The following EEF1AKMT2 variants were observed in gnomAD, a reference collection of about 807,000 sequenced individuals.
EEF1AKMT2 encodes EEF1A lysine methyltransferase 2, also known as eukaryotic translation elongation factor 1 alpha lysine methyltransferase 2.
Under a neutral mutation model 35.8 loss-of-function variants are expected in EEF1AKMT2, and 32 were observed. The observed-to-expected ratio is 0.89, with a 90% CI of 0.67 to 1.20. The LOEUF is 1.20. Ranked by LOEUF, EEF1AKMT2 falls within the 50% of genes most tolerant of loss-of-function variation. The pLI is 0.00. For missense variants in EEF1AKMT2, 330 were observed against 347.5 expected, an observed-to-expected ratio of 0.95 and a Z score of 0.40; for synonymous variants, 121 against 133.7, an observed-to-expected ratio of 0.91 and a Z score of 0.65.
intron 3 of EEF1AKMT2, among the ~76,000 whole-genome samples, chr10:124,785,191 G>C (rs1950574077): frequency 7.3e-6 from 1 of 136,362 alleles, no homozygotes; most frequent in African/African-American, 2.8e-5. Flanking sequence ...AGGTTGCAGT[G>C]AGCCAAGATC....
rs888491226 is a variant in EEF1AKMT2, at chr10:124,759,117, T to C, written c.*1386A>G. 6.6e-5 allele frequency: 10 copies of C among 152,092 alleles called. No homozygotes were observed. Among genetic ancestry groups the C allele is most frequent in the African/African-American group, 2.4e-4 (10 of 41,420 alleles). 9.4% of individuals were successfully genotyped at this position (152,092 alleles called of 1,614,324 possible). On this transcript the variant is annotated 3_prime_UTR_variant, in exon 7 of 7. Transcript: ENST00000368836. The stretch of plus-strand genomic sequence containing the variant: ...CCCAATAGGCCCACAAAGCTGAAAA[T>C]CATCAAAAAATTATGCAAAAATTTG...
At chr10:124,777,150 G>A (rs1950494053) in intron 3 of EEF1AKMT2, among the ~76,000 whole-genome samples, 1 of 151,630 alleles carries the variant, frequency 6.6e-6, no homozygotes, top group African/African-American at 2.4e-5. Context: ...ATGGTGGTGG[G>A]CACCTGAAAT....
intron 4 of EEF1AKMT2, among the ~76,000 whole-genome samples, chr10:124,768,582 T>TA (rs1950401048): frequency 6.6e-6 from 1 of 151,860 alleles, no homozygotes; most frequent in Admixed American, 6.6e-5. Context: ...CCATCTCTAC[T>TA]AAAAAAATAC....
At chr10:124,773,911 T>C (rs1277278943) in intron 4 of EEF1AKMT2, among the ~76,000 whole-genome samples, 1 of 152,120 alleles carries the variant, frequency 6.6e-6, no homozygotes, top group Non-Finnish European at 1.5e-5. Context: ...ACATACCATT[T>C]GGGAAGCCAA....
chr10:124,772,976 T>C (rs1306403169), intron 4 of EEF1AKMT2, among the ~76,000 whole-genome samples: 1 of 152,232 alleles, frequency 6.6e-6, no homozygotes, highest in Non-Finnish European at 1.5e-5. Flanking sequence ...GGAATACCAC[T>C]TTTAATTTCC....
intron 1 of EEF1AKMT2, among the ~76,000 whole-genome samples, chr10:124,790,827 C>T (rs1267700618): frequency 6.6e-6 from 1 of 152,152 alleles, no homozygotes; most frequent in African/African-American, 2.4e-5. Flanking sequence ...TGCAGTGGCG[C>T]GATCTCGGCT....
intron 1 of EEF1AKMT2, among the ~76,000 whole-genome samples, chr10:124,791,040 G>A (rs1950629761): frequency 6.6e-6 from 1 of 151,800 alleles, no homozygotes; most frequent in Admixed American, 6.6e-5. Flanking sequence ...TGGGATTACA[G>A]GCGTAAGCCA....
chr10:124,756,296 T>A (rs1011921027), downstream of EEF1AKMT2, among the ~76,000 whole-genome samples: 5 of 152,374 alleles, frequency 3.3e-5, no homozygotes, highest in African/African-American at 9.6e-5. Flanking sequence ...GCTAGGCAAG[T>A]AATTTGCAAA....
In EEF1AKMT2 at chr10:124,789,142, ACT is replaced by A. The variant is rs757708048; in HGVS notation, c.190_191del (p.Ser64TyrfsTer21). On this transcript the variant is annotated frameshift_variant, in exon 3 of 7. Coordinates refer to ENST00000368836, the MANE Select transcript of EEF1AKMT2 (RefSeq NM_212554.4). LOFTEE classifies it high-confidence loss of function. ...DTGEIWFGEESMNRLIRWMQK... is the reference protein window; with the variant it reads ...DTGEIWFGEEXMNRLIRWMQK... The stretch of plus-strand genomic sequence containing the variant: ...GCATCCACCTTATTAGTCGATTCAT[ACT>A]CTCTTCTCCAAACCTGTTAGAGAGA... 42 of 1,611,870 alleles carry A rather than the reference ACT, an allele frequency of 2.6e-5. No homozygotes were observed. Among genetic ancestry groups the A allele is most frequent in the Non-Finnish European group, 3.4e-5 (40 of 1,178,596 alleles).
Position 124,781,731 on chromosome 10 carries a change from G to A in EEF1AKMT2, c.292-6949C>T, listed in dbSNP as rs1004158417. Among the ~76,000 whole-genome samples, 15 of 137,358 alleles carry A rather than the reference G, an allele frequency of 1.1e-4. No individual in the cohort carries two copies. The East Asian group carries it at 3.0e-3, about 27-fold the overall frequency. The allele number at this position is 137,358 out of a possible 152,430, so 90.1% of individuals were successfully genotyped here. On this transcript the variant is annotated intron_variant, in intron 3 of 6. Transcript: ENST00000368836. ...AAACCCTCTCTAAAATAATTTCCAA[G>A]AAGAATTTCTTAGACAGAAAGAAAA...
chr10:124,763,349 A>G (rs890041511), intron 5 of EEF1AKMT2, among the ~76,000 whole-genome samples: 4 of 152,228 alleles, frequency 2.6e-5, no homozygotes, highest in Non-Finnish European at 4.4e-5. Flanking sequence ...CAACAATTTT[A>G]TGAACATTTA....
intron 4 of EEF1AKMT2, among the ~76,000 whole-genome samples, chr10:124,770,090 C>T (rs1347524406): frequency 6.6e-6 from 1 of 151,970 alleles, no homozygotes; most frequent in African/African-American, 2.4e-5. Context: ...TGATACCACC[C>T]TGGTCAACAT....
chr10:124,791,436 G>A (rs1487132779), intron 1 of EEF1AKMT2, among the ~76,000 whole-genome samples: 3 of 151,924 alleles, frequency 2.0e-5, no homozygotes, highest in Non-Finnish European at 4.4e-5. Context: ...CCCAAGCCTG[G>A]CCCTCAGGTT....
chr10:124,765,729 A>G, intron 4 of EEF1AKMT2, 121 bp from the exon 5 acceptor site: 4 of 690,886 alleles, frequency 5.8e-6, no homozygotes, highest in Non-Finnish European at 9.5e-6. Flanking sequence ...CATTTTACAT[A>G]TAATAAACAT....
At chr10:124,769,373 G>A (rs1950409326) in intron 4 of EEF1AKMT2, among the ~76,000 whole-genome samples, 1 of 151,432 alleles carries the variant, frequency 6.6e-6, no homozygotes, top group Admixed American at 6.6e-5. Flanking sequence ...AGTAGAAACG[G>A]GAAAGACTGG....
chr10:124,786,577 A>T (rs1307899350), intron 3 of EEF1AKMT2, among the ~76,000 whole-genome samples: 1 of 151,876 alleles, frequency 6.6e-6, no homozygotes, highest in Non-Finnish European at 1.5e-5. Flanking sequence ...CGGGAGGCTG[A>T]GGCAGGCAGA....
chr10:124,763,568 T>C (rs1264633929), intron 5 of EEF1AKMT2, among the ~76,000 whole-genome samples: 1 of 152,184 alleles, frequency 6.6e-6, no homozygotes, highest in African/African-American at 2.4e-5. Flanking sequence ...ATATAATTAT[T>C]TATATAACAT....
At chr10:124,784,410 A>T (rs992554196) in intron 3 of EEF1AKMT2, among the ~76,000 whole-genome samples, 5 of 151,852 alleles carry the variant, frequency 3.3e-5, no homozygotes, top group East Asian at 1.9e-4. Flanking sequence ...TCAACAATTT[A>T]AAAAAAAATT....
chr10:124,782,612 G>C (rs1388092394), intron 3 of EEF1AKMT2, among the ~76,000 whole-genome samples: 1 of 134,374 alleles, frequency 7.4e-6, no homozygotes, highest in Non-Finnish European at 1.6e-5. Flanking sequence ...AAGAGTTCAA[G>C]ACCAGCCTGG....
Sources: gnomAD v4.1 joint callset for allele counts (sites outside exome capture counted in the v4.1 genomes callset) on GRCh38, gnomAD v4.1.1 for gene constraint, MANE v1.5 for transcripts, NCBI Gene and HGNC (gene_info 2026-07-23, HGNC 2026-07-21) for gene names.